The following GRM7 variants were observed in gnomAD, a reference collection of about 807,000 sequenced individuals.
GRM7 encodes glutamate metabotropic receptor 7, also known as metabotropic glutamate receptor 7.
In GRM7, 35 loss-of-function variants were observed where a neutral mutation model predicts 84.5. That is an observed-to-expected ratio of 0.41 (90% confidence interval 0.32 to 0.55). GRM7 has a LOEUF of 0.55. GRM7 is among the 20% of genes least tolerant of loss of function. The probability of loss-of-function intolerance (pLI) is 0.19; values close to 1 mark genes in which losing one functional copy is unlikely to be tolerated. For synonymous variants in GRM7, 487 were observed against 455.1 expected (o/e 1.07, Z -0.89); for missense variants, 1,003 against 1,194.6 (o/e 0.84, Z 2.36).
chr3:7,210,891 G>T (rs1347404989), intron 2 of GRM7, among the ~76,000 whole-genome samples: 6 of 151,538 alleles, frequency 4.0e-5, no homozygotes, highest in Non-Finnish European at 8.8e-5. Flanking sequence ...CTGGCATGAT[G>T]AATAATTCAT....
At chr3:7,092,521 T>C (rs935745706) in intron 1 of GRM7, among the ~76,000 whole-genome samples, 1 of 152,084 alleles carries the variant, frequency 6.6e-6, no homozygotes, top group Admixed American at 6.6e-5. Context: ...AAATGCTTAC[T>C]GACAGTGAGT....
At chr3:7,516,200 G>A (rs1461804542) in intron 7 of GRM7, among the ~76,000 whole-genome samples, 1 of 144,836 alleles carries the variant, frequency 6.9e-6, no homozygotes, top group African/African-American at 2.5e-5. Flanking sequence ...GGCTGGGCAC[G>A]GTGGCTCACG....
At chr3:6,906,526 C>T (rs1696584159) in intron 1 of GRM7, among the ~76,000 whole-genome samples, 3 of 152,188 alleles carry the variant, frequency 2.0e-5, no homozygotes, top group Admixed American at 2.0e-4. Context: ...TCTTCAACCT[C>T]CAATTCTCTC....
At chr3:7,456,402 A>G (rs367939445) in intron 6 of GRM7, among the ~76,000 whole-genome samples, 132 of 149,982 alleles carry the variant, frequency 8.8e-4, no homozygotes, top group African/African-American at 3.1e-3. Context: ...GCATTGGCTT[A>G]TTTTATCTTT....
intron 2 of GRM7, among the ~76,000 whole-genome samples, chr3:7,282,530 A>G (rs1223970771): frequency 6.6e-6 from 1 of 152,130 alleles, no homozygotes; most frequent in East Asian, 1.9e-4. Context: ...CTCACATGTC[A>G]AAGTAGGGTG....
intron 1 of GRM7, among the ~76,000 whole-genome samples, chr3:7,075,977 C>A (rs1698063947): frequency 1.3e-5 from 2 of 151,632 alleles, no homozygotes; most frequent in African/African-American, 2.4e-5. Flanking sequence ...AATTCTGAAA[C>A]CTTAATGAAA....
intron 1 of GRM7, among the ~76,000 whole-genome samples, chr3:6,936,941 A>C (rs1326533853): frequency 6.6e-6 from 1 of 152,206 alleles, no homozygotes; most frequent in Non-Finnish European, 1.5e-5. Flanking sequence ...CCTTGCAATT[A>C]ACTCTTAGTC....
chr3:6,958,738 A>T (rs983448926), intron 1 of GRM7, among the ~76,000 whole-genome samples: 5 of 152,206 alleles, frequency 3.3e-5, no homozygotes, highest in African/African-American at 1.2e-4. Flanking sequence ...CCTAAAATCC[A>T]TGACTTTGGA....
At chr3:6,948,193 G>T (rs962264065) in intron 1 of GRM7, among the ~76,000 whole-genome samples, 3 of 151,970 alleles carry the variant, frequency 2.0e-5, no homozygotes, top group African/African-American at 7.3e-5. Context: ...TGGGCATTTA[G>T]TGCTGTAAAT....
At chr3:7,670,896 G>A (rs547966098) in intron 8 of GRM7, among the ~76,000 whole-genome samples, 2 of 152,306 alleles carry the variant, frequency 1.3e-5, no homozygotes, top group African/African-American at 4.8e-5. Context: ...GAGGATTAAA[G>A]GGAGCCCATG....
intron 2 of GRM7, among the ~76,000 whole-genome samples, chr3:7,192,273 G>A (rs1695733986): frequency 6.6e-6 from 1 of 152,026 alleles, no homozygotes; most frequent in Admixed American, 6.6e-5. Flanking sequence ...GTGGTACAAG[G>A]AATAGATTTT....
intron 2 of GRM7, among the ~76,000 whole-genome samples, chr3:7,275,785 A>AT (rs1463073821): frequency 1.6e-4 from 25 of 152,246 alleles, no homozygotes; most frequent in African/African-American, 5.5e-4. Flanking sequence ...TTTTTCTCAC[A>AT]TATATTCACT....
chr3:7,146,782 G>A (rs1271201609), intron 2 of GRM7, 114 bp downstream of exon 2: 12 of 715,464 alleles, frequency 1.7e-5, no homozygotes, highest in Middle Eastern at 3.3e-4. Flanking sequence ...CCAGAGTCCT[G>A]TGAAGTACAC....
intron 1 of GRM7, among the ~76,000 whole-genome samples, chr3:7,117,495 T>A (rs1397923041): frequency 1.3e-5 from 2 of 152,160 alleles, no homozygotes; most frequent in Admixed American, 1.3e-4. Context: ...CGTGCTCCAG[T>A]TGGAAGGGGA....
At chr3:7,693,642 G>T in intron 9 of GRM7, 1 of 1,526,556 alleles carries the variant, frequency 6.6e-7, no homozygotes, top group Non-Finnish European at 8.8e-7. Context: ...GGTGAGAAGT[G>T]CAACTGCTAC....
At chr3:7,184,298 CT>C (rs1695442715) in intron 2 of GRM7, among the ~76,000 whole-genome samples, 1 of 151,988 alleles carries the variant, frequency 6.6e-6, no homozygotes, top group African/African-American at 2.4e-5. Context: ...GACATTGCCC[CT>C]ACTGTGATCT....
chr3:7,196,031 T>A (rs1488352863), intron 2 of GRM7, among the ~76,000 whole-genome samples: 1 of 152,048 alleles, frequency 6.6e-6, no homozygotes, highest in East Asian at 1.9e-4. Flanking sequence ...CCTACCTATG[T>A]ACCTACCTAA....
intron 4 of GRM7, among the ~76,000 whole-genome samples, chr3:7,326,667 G>A (rs1386786453): frequency 6.6e-6 from 1 of 151,920 alleles, no homozygotes; most frequent in Non-Finnish European, 1.5e-5. Flanking sequence ...GACCAACATG[G>A]CGAAACCCCA....
intron 7 of GRM7, among the ~76,000 whole-genome samples, chr3:7,496,193 T>C (rs907127048): frequency 6.6e-6 from 1 of 152,170 alleles, no homozygotes; most frequent in Non-Finnish European, 1.5e-5. Flanking sequence ...TATCTCTCCA[T>C]AGACCATGTA....
Sources: allele counts gnomAD v4.1 joint callset (sites outside exome capture counted in the v4.1 genomes callset), GRCh38; gene constraint gnomAD v4.1.1; transcripts MANE v1.5; gene names NCBI Gene and HGNC (gene_info 2026-07-23, HGNC 2026-07-21).